Variants in ZNF410 observed in about 807,000 individuals in gnomAD.
ZNF410 encodes another partner for ARF 1.
In ZNF410, 18 loss-of-function variants were observed where a neutral mutation model predicts 54.8. The ratio of observed to expected loss-of-function variants is 0.33; its 90% confidence interval spans 0.23 to 0.49. The LOEUF is 0.49. Among genes scored for constraint, ZNF410 ranks in the 20% least tolerant of loss-of-function variants. The probability of loss-of-function intolerance (pLI) is 0.99; values close to 1 mark genes in which losing one functional copy is unlikely to be tolerated. For missense variants in ZNF410, 405 were observed against 569.6 expected (o/e 0.71, Z 2.94); for synonymous variants, 191 against 207.3 (o/e 0.92, Z 0.68).
intron 7 of ZNF410, among the ~76,000 whole-genome samples, chr14:73,907,319 C>T (rs546503250): frequency 1.0e-3 from 153 of 152,226 alleles, no homozygotes; most frequent in Middle Eastern, 3.4e-3. Flanking sequence ...CAGTTCAGGT[C>T]GGGCCCAGTG....
intron 5 of ZNF410, 89 bp from the exon 6 acceptor site, chr14:73,903,871 T>C (rs1330625041): frequency 1.3e-6 from 2 of 1,496,740 alleles, no homozygotes; most frequent in African/African-American, 1.4e-5. Context: ...TAATGATCAC[T>C]AGGAGTAAAA....
chr14:73,903,944 T>C lies in ZNF410; in HGVS notation c.581-16T>C, dbSNP rs1224600824. 6.2e-7 allele frequency: 1 copy of C among 1,614,036 alleles called. No homozygotes were observed. Among genetic ancestry groups the C allele is most frequent in the Non-Finnish European group, 8.5e-7 (1 of 1,179,968 alleles). On this transcript the variant is annotated splice_polypyrimidine_tract_variant and intron_variant, in intron 5 of 11. Coordinates refer to ENST00000555044, the MANE Select transcript of ZNF410 (RefSeq NM_021188.3). ...AGGGTCTTTCCCTGGATTACAAATA[T>C]GTGACTCTGTTACAGGAGAAAATGT...
intron 4 of ZNF410, among the ~76,000 whole-genome samples, chr14:73,897,371 A>G (rs1219993204): frequency 6.6e-6 from 1 of 152,218 alleles, no homozygotes; most frequent in East Asian, 1.9e-4. Flanking sequence ...CTTTTTAAAA[A>G]TAAGGGTGAG....
intron 11 of ZNF410, among the ~76,000 whole-genome samples, chr14:73,925,433 CTTT>C (rs58959688): frequency 6.9e-6 from 1 of 144,444 alleles, no homozygotes; most frequent in Admixed American, 7.0e-5. Context: ...CTAACTTTGA[CTTT>C]TTTTTTTTTT....
chr14:73,889,900 G>A (rs1035177944), intron 1 of ZNF410, among the ~76,000 whole-genome samples: 2 of 150,268 alleles, frequency 1.3e-5, no homozygotes, highest in African/African-American at 2.5e-5. Flanking sequence ...AGGTCCAAGC[G>A]ATTCCCCTAC....
intron 11 of ZNF410, among the ~76,000 whole-genome samples, chr14:73,931,085 A>C (rs1373483921): frequency 6.6e-6 from 1 of 152,186 alleles, no homozygotes; most frequent in Admixed American, 6.5e-5. Flanking sequence ...GCTCTCATAT[A>C]GTACTTATAA....
At chr14:73,905,104 C>T (rs369497356) in intron 7 of ZNF410, 21 bp downstream of exon 7, 1 of 1,606,294 alleles carries the variant, frequency 6.2e-7, no homozygotes, top group African/African-American at 1.3e-5. Context: ...CACCAACATT[C>T]CTTTGGGCAG....
chr14:73,931,618 C>T lies in ZNF410; in HGVS notation c.*77C>T. On this transcript the variant is annotated 3_prime_UTR_variant, in exon 12 of 12. Coordinates refer to ENST00000555044, the MANE Select transcript of ZNF410 (RefSeq NM_021188.3). ...ATACTGGGAACAGGATGCCTTAGCC[C>T]ACAACAGAACCAGAATGAATCTTTG... is the stretch of plus-strand genomic sequence containing the variant. The T allele has an allele frequency of 7.6e-7, 1 of 1,322,802 alleles. No individual in the cohort carries two copies. Among genetic ancestry groups the T allele is most frequent in the South Asian group, 1.2e-5 (1 of 82,038 alleles). The allele number at this position is 1,322,802 out of a possible 1,614,324, so 81.9% of individuals were successfully genotyped here.
intron 1 of ZNF410, among the ~76,000 whole-genome samples, chr14:73,889,332 T>C (rs2055187876): frequency 6.6e-6 from 1 of 151,026 alleles, no homozygotes; most frequent in African/African-American, 2.4e-5. Flanking sequence ...TGCCACCATG[T>C]GATGCTAATT....
chr14:73,923,366 C>T, intron 10 of ZNF410, 29 bp from the exon 11 acceptor site: 2 of 1,605,880 alleles, frequency 1.2e-6, no homozygotes, highest in Non-Finnish European at 1.7e-6. Context: ...ATTCACTTTT[C>T]ATTGAAACAT....
chr14:73,903,895 T>G, intron 5 of ZNF410, 65 bp from the exon 6 acceptor site: 1 of 1,583,734 alleles, frequency 6.3e-7, no homozygotes, highest in Non-Finnish European at 8.6e-7. Flanking sequence ...AGGAGCTTTA[T>G]TGTTTGAGCC....
chr14:73,909,685 T>C (rs1410581199), intron 8 of ZNF410: 1 of 368,410 alleles, frequency 2.7e-6, no homozygotes, highest in African/African-American at 2.1e-5. Flanking sequence ...CAAATTTGTT[T>C]GGCACTCTGC....
chr14:73,896,612 C>G, intron 4 of ZNF410, 78 bp downstream of exon 4: 1 of 1,114,764 alleles, frequency 9.0e-7, no homozygotes. Context: ...CTTAGTCATA[C>G]TTAAAATAGA....
intron 4 of ZNF410, among the ~76,000 whole-genome samples, chr14:73,896,854 A>G (rs2055325276): frequency 1.3e-5 from 2 of 152,182 alleles, no homozygotes; most frequent in Non-Finnish European, 2.9e-5. Context: ...CATGTCCTTT[A>G]GAGAGTTAGA....
chr14:73,904,692 C>G (rs1224726229), intron 6 of ZNF410, among the ~76,000 whole-genome samples: 1 of 152,146 alleles, frequency 6.6e-6, no homozygotes, highest in Non-Finnish European at 1.5e-5. Context: ...CTCCTGGGCT[C>G]AAGTAATCTT....
chr14:73,898,345 A>G (rs766476323), intron 5 of ZNF410, 83 bp downstream of exon 5: 80 of 1,359,424 alleles, frequency 5.9e-5, no homozygotes, highest in Non-Finnish European at 7.9e-5. Context: ...GTTGTATATA[A>G]TTTAAATTAT....
At chr14:73,899,760 C>T (rs2055377274) in intron 5 of ZNF410, among the ~76,000 whole-genome samples, 1 of 152,138 alleles carries the variant, frequency 6.6e-6, no homozygotes, top group Non-Finnish European at 1.5e-5. Flanking sequence ...GGCAGCTTTC[C>T]TGACTGGCTT....
intron 1 of ZNF410, among the ~76,000 whole-genome samples, chr14:73,887,959 A>G (rs962681679): frequency 5.9e-5 from 9 of 152,190 alleles, no homozygotes; most frequent in African/African-American, 2.2e-4. Flanking sequence ...TGTTTTGGAA[A>G]GATAACTTGA....
At chr14:73,930,626 CTCAG>C (rs1272136584) in intron 11 of ZNF410, among the ~76,000 whole-genome samples, 1 of 152,026 alleles carries the variant, frequency 6.6e-6, no homozygotes, top group Non-Finnish European at 1.5e-5. Context: ...TGAAAACAGT[CTCAG>C]TCTGTCACTC....
Sources: allele counts gnomAD v4.1 joint callset (sites outside exome capture counted in the v4.1 genomes callset), GRCh38; gene constraint gnomAD v4.1.1; transcripts MANE v1.5; gene names NCBI Gene and HGNC (gene_info 2026-07-23, HGNC 2026-07-21).